Variants in CCDC7 observed in about 807,000 individuals in gnomAD.
CCDC7 encodes coiled-coil domain containing 7.
Under a neutral mutation model 196.9 loss-of-function variants are expected in CCDC7, and 183 were observed. That is an observed-to-expected ratio of 0.93 (90% CI 0.82 to 1.05). CCDC7 has a LOEUF of 1.05. CCDC7 is among the 50% of genes least tolerant of loss of function. The probability of loss-of-function intolerance (pLI) is 0.00; values close to 1 mark genes in which losing one functional copy is unlikely to be tolerated. For missense variants in CCDC7, 1,540 were observed against 1,482.2 expected, an observed-to-expected ratio of 1.04 and a Z score of -0.64; for synonymous variants, 525 against 484.6, an observed-to-expected ratio of 1.08 and a Z score of -1.10.
intron 18 of CCDC7, among the ~76,000 whole-genome samples, chr10:32,610,127 C>T (rs568385959): frequency 3.0e-4 from 46 of 151,814 alleles, no homozygotes; most frequent in South Asian, 1.0e-3. Flanking sequence ...TATTTTGAGA[C>T]GGAGTCTTGC....
chr10:32,808,589 G>A (rs1281888460), intron 30 of CCDC7, among the ~76,000 whole-genome samples: 1 of 152,026 alleles, frequency 6.6e-6, no homozygotes, highest in Non-Finnish European at 1.5e-5. Flanking sequence ...CAGCACTCAA[G>A]CAAGCCACCT....
Position 32,471,280 on chromosome 10 carries a change from T to C in CCDC7, c.677+50T>C, listed in dbSNP as rs1426432037. 5 of 1,575,816 alleles carry C rather than the reference T, an allele frequency of 3.2e-6. No individual in the cohort carries two copies. The East Asian group carries it at 9.1e-5, about 29-fold the overall frequency. Reference sequence around the variant, plus strand: ...GAATTAAAAACAGTAAGAAAGGGTATATAATTAGCACTGAATGTAAGATAA... The same window carrying C: ...GAATTAAAAACAGTAAGAAAGGGTACATAATTAGCACTGAATGTAAGATAA... On this transcript the variant is annotated intron_variant, in intron 6 of 41. Transcript: ENST00000639629.
chr10:32,568,164 G>T (rs987430574), intron 15 of CCDC7, among the ~76,000 whole-genome samples: 2 of 151,878 alleles, frequency 1.3e-5, no homozygotes, highest in African/African-American at 4.8e-5. Flanking sequence ...GCGCCACCAT[G>T]CCCGGCTAAT....
exon 29 of CCDC7, chr10:32,779,006 G>A: frequency 6.5e-7 from 1 of 1,550,136 alleles, no homozygotes; most frequent in Non-Finnish European, 8.7e-7. Flanking sequence ...AGAACTTCCA[G>A]ATACAGCAGA....
At chr10:32,583,474 A>G (rs1222634318) in intron 17 of CCDC7, among the ~76,000 whole-genome samples, 167 bp downstream of exon 18, 1 of 152,122 alleles carries the variant, frequency 6.6e-6, no homozygotes, top group South Asian at 2.1e-4. Context: ...GCTGAAAGTA[A>G]TATTTGGGAA....
chr10:32,846,538 GA>G, intron 37 of CCDC7, 79 bp downstream of exon 38: 1 of 825,262 alleles, frequency 1.2e-6, no homozygotes, highest in South Asian at 1.7e-5. Context: ...GACATTTAAT[GA>G]CAATAGTGCC....
chr10:32,453,235 TC>T, intron 1 of CCDC7, 108 bp from the exon 3 acceptor site: 5 of 803,730 alleles, frequency 6.2e-6, no homozygotes. Flanking sequence ...AAGAAATAAG[TC>T]TTACTGGTAA....
intron 9 of CCDC7, among the ~76,000 whole-genome samples, chr10:32,506,800 C>T (rs949383901): frequency 3.3e-5 from 5 of 152,068 alleles, no homozygotes; most frequent in African/African-American, 9.7e-5. Flanking sequence ...TGCAGCAAGC[C>T]GAGATCATGG....
At chr10:32,613,952 T>A (rs1019703484) in intron 18 of CCDC7, among the ~76,000 whole-genome samples, 4 of 152,204 alleles carry the variant, frequency 2.6e-5, no homozygotes, top group African/African-American at 9.7e-5. Flanking sequence ...TGAGTTCAAG[T>A]CCTGAATATC....
rs1279104960 is a variant in CCDC7, at chr10:32,828,479, GGAAGAGGAAGAAGAAGAAGAAGAA to G, written c.3268+3881_3268+3904del. 5.3e-3 allele frequency among the ~76,000 whole-genome samples: 324 copies of G among 61,512 alleles called. 1 individual carries two copies. The highest frequency in any genetic ancestry group is 8.2e-3 in the African/African-American group (151 of 18,456). The allele number at this position is 61,512 out of a possible 152,430, so 40.4% of individuals were successfully genotyped here. On this transcript the variant is annotated intron_variant, in intron 32 of 41. Transcript: ENST00000639629. ...AAGAAGAAGAAGAGGAAGAGGAAGA[GGAAGAGGAAGAAGAAGAAGAAGAA>G]GAAGAAGAAGAAGAAGAAGAAGAAG...
chr10:32,535,421 C>T (rs2050314112), intron 11 of CCDC7, among the ~76,000 whole-genome samples: 1 of 152,054 alleles, frequency 6.6e-6, no homozygotes, highest in African/African-American at 2.4e-5. Flanking sequence ...TTTAGGGAGA[C>T]ATAAGACATC....
chr10:32,526,028 T>C (rs560243328), intron 11 of CCDC7, among the ~76,000 whole-genome samples: 105 of 152,290 alleles, frequency 6.9e-4, no homozygotes, highest in African/African-American at 2.4e-3. Context: ...CCCCAAGCCC[T>C]AAGTGTGTTC....
At chr10:32,880,590 T>C (rs1464518954), downstream of CCDC7, among the ~76,000 whole-genome samples, 2 of 152,212 alleles carry the variant, frequency 1.3e-5, no homozygotes, top group Admixed American at 1.3e-4. Context: ...CAATTGCTTT[T>C]GACATTTTCA....
At chr10:32,489,298 G>A (rs1229525188) in intron 8 of CCDC7, among the ~76,000 whole-genome samples, 1 of 152,174 alleles carries the variant, frequency 6.6e-6, no homozygotes, top group Non-Finnish European at 1.5e-5. Context: ...TGCATTGATG[G>A]TTCTGGTGTC....
chr10:32,779,159 T>C (rs754225847), intron 29 of CCDC7, 75 bp downstream of exon 30: 1 of 1,121,948 alleles, frequency 8.9e-7, no homozygotes, highest in Non-Finnish European at 1.2e-6. Context: ...ATAGTTCTGT[T>C]AAAAAACAGG....
Position 32,682,785 on chromosome 10 carries a change from T to C in CCDC7, c.2123-3185T>C, listed in dbSNP as rs1394943474. On this transcript the variant is annotated intron_variant, in intron 21 of 41. Transcript: ENST00000639629. ...TTTTCCTATGCTTGTTGGCAGCATG[T>C]ATATCTTCTTTTGATAAGTGTCTGT... Among the ~76,000 whole-genome samples the C allele has an allele frequency of 3.3e-5, 5 of 152,194 alleles. No individual in the cohort carries two copies. The East Asian group carries it at 9.6e-4, about 29-fold the overall frequency.
At chr10:32,845,736 G>C (rs1371403704) in intron 35 of CCDC7, 110 bp downstream of exon 36, 1 of 1,144,100 alleles carries the variant, frequency 8.7e-7, no homozygotes. Flanking sequence ...GTATTACACA[G>C]GTAAAATTCT....
At chr10:32,532,785 A>G (rs2049879491) in intron 11 of CCDC7, among the ~76,000 whole-genome samples, 1 of 151,510 alleles carries the variant, frequency 6.6e-6, no homozygotes, top group African/African-American at 2.4e-5. Flanking sequence ...AAGTATAGCT[A>G]CTCCTGCTCT....
intron 28 of CCDC7, among the ~76,000 whole-genome samples, chr10:32,732,352 T>TGTGATTTGTAA: frequency 6.6e-6 from 1 of 152,188 alleles, no homozygotes; most frequent in Non-Finnish European, 1.5e-5. Context: ...GTTTATATGT[T>TGTGATTTGTAA]CAATCACAAA....
Sources: gnomAD v4.1 joint callset for allele counts (sites outside exome capture counted in the v4.1 genomes callset) on GRCh38, gnomAD v4.1.1 for gene constraint, MANE v1.5 for transcripts, NCBI Gene and HGNC (gene_info 2026-07-23, HGNC 2026-07-21) for gene names.